TNR: variants seen among roughly 807,000 people sequenced by gnomAD.
TNR encodes the protein tenascin R, also known as tenascin-R.
In TNR, 45 loss-of-function variants were observed where a neutral mutation model predicts 150.4. That is an observed-to-expected ratio of 0.30 (90% confidence interval 0.24 to 0.38). TNR has a LOEUF of 0.38. TNR is among the 10% of genes least tolerant of loss of function. TNR has a pLI of 1.00. For synonymous variants in TNR, 687 were observed against 678.4 expected (o/e 1.01, Z -0.20); for missense variants, 1,544 against 1,759.1 (o/e 0.88, Z 2.19).
In TNR at chr1:175,646,634, A is replaced by T. The variant is rs976378552; in HGVS notation, c.-165+96592T>A. 2.0e-5 allele frequency among the ~76,000 whole-genome samples: 3 copies of T among 152,306 alleles called. No homozygotes were observed. The South Asian group carries it at 6.2e-4, about 32-fold the overall frequency. On this transcript the variant is annotated intron_variant, in intron 1 of 22. Coordinates refer to ENST00000367674, the MANE Select transcript of TNR (RefSeq NM_003285.3). ...CATAGGCTGACCACCTACAGGCCAAATTGGGCCTGCAGCTGTGTTTGCCTG... is the reference window on the plus strand; with the variant it reads ...CATAGGCTGACCACCTACAGGCCAATTTGGGCCTGCAGCTGTGTTTGCCTG...
At chr1:175,402,046 G>A (rs557090098) in intron 4 of TNR, among the ~76,000 whole-genome samples, 4 of 152,124 alleles carry the variant, frequency 2.6e-5, no homozygotes, top group South Asian at 2.1e-4. Context: ...GGTGGCTCAC[G>A]CCTGTAATCC....
chr1:175,531,199 A>G (rs1321860888), intron 1 of TNR, among the ~76,000 whole-genome samples: 1 of 152,104 alleles, frequency 6.6e-6, no homozygotes, highest in Non-Finnish European at 1.5e-5. Context: ...GTGTGTGCCA[A>G]TCTTCCTGAA....
chr1:175,582,340 A>G (rs1662382654), intron 1 of TNR, among the ~76,000 whole-genome samples: 2 of 152,212 alleles, frequency 1.3e-5, no homozygotes, highest in Non-Finnish European at 2.9e-5. Context: ...TTTTAATATC[A>G]AAACTTAGCT....
At chr1:175,362,468 G>T (rs997701279) in intron 14 of TNR, among the ~76,000 whole-genome samples, 195 bp downstream of exon 14, 1 of 152,158 alleles carries the variant, frequency 6.6e-6, no homozygotes, top group Non-Finnish European at 1.5e-5. Flanking sequence ...CTTCTAGAGG[G>T]TGACTCTCTA....
chr1:175,676,204 A>G (rs1665860500), intron 1 of TNR, among the ~76,000 whole-genome samples: 1 of 152,142 alleles, frequency 6.6e-6, no homozygotes, highest in African/African-American at 2.4e-5. Flanking sequence ...ATCTCACCAG[A>G]GCTCAGCTAC....
At position 175,365,125 on chromosome 1, in the gene TNR, G is replaced by C. The variant is rs1183204510; in HGVS notation, c.2472C>G (p.Ala824=). 6.2e-7 allele frequency: 1 copy of C among 1,613,950 alleles called. No homozygotes were observed. Among genetic ancestry groups the C allele is most frequent in the African/African-American group, 1.3e-5 (1 of 74,880 alleles). The change falls in exon 12 of 23, where the codon GCC becomes GCG. Residue 824 remains alanine, a synonymous_variant. Coordinates refer to ENST00000367674, the MANE Select transcript of TNR (RefSeq NM_003285.3). ...EEEMMEVSLD[A]TKRHAVLMGL... is the part of the protein sequence containing the mutation. ...CCATCAGGACAGCATGCCTCTTGGT[G>C]GCATCCAGGGAGACCTCCATCATCT... is the stretch of plus-strand genomic sequence containing the variant.
intron 1 of TNR, among the ~76,000 whole-genome samples, chr1:175,674,119 G>A (rs1041308719): frequency 2.6e-5 from 4 of 152,170 alleles, no homozygotes; most frequent in African/African-American, 9.7e-5. Context: ...TCTAAAACCA[G>A]GTGCCCATTA....
At chr1:175,735,358 C>T (rs1175606114) in intron 1 of TNR, among the ~76,000 whole-genome samples, 2 of 152,166 alleles carry the variant, frequency 1.3e-5, no homozygotes, top group Non-Finnish European at 2.9e-5. Flanking sequence ...ACACCTGTCC[C>T]TGGGCCCAGC....
chr1:175,723,429 G>A (rs1035473887), intron 1 of TNR, among the ~76,000 whole-genome samples: 2 of 152,116 alleles, frequency 1.3e-5, no homozygotes, highest in Non-Finnish European at 2.9e-5. Context: ...TACACTCCAG[G>A]GACTGGGCAG....
At chr1:175,490,911 C>A (rs1227327064) in intron 2 of TNR, among the ~76,000 whole-genome samples, 1 of 152,156 alleles carries the variant, frequency 6.6e-6, no homozygotes, top group African/African-American at 2.4e-5. Flanking sequence ...TACAAAGATA[C>A]ATGTATGTGT....
chr1:175,675,237 C>T (rs181323008), intron 1 of TNR, among the ~76,000 whole-genome samples: 2 of 152,284 alleles, frequency 1.3e-5, no homozygotes, highest in South Asian at 2.1e-4. Flanking sequence ...CCTGAATGAA[C>T]GGGCTTTGTG....
intron 1 of TNR, among the ~76,000 whole-genome samples, chr1:175,681,272 C>T (rs1376684698): frequency 3.3e-5 from 5 of 152,110 alleles, no homozygotes; most frequent in South Asian, 2.1e-4. Flanking sequence ...TGAGGAAGCC[C>T]GAGCCCAGAA....
intron 12 of TNR, among the ~76,000 whole-genome samples, 172 bp downstream of exon 12, chr1:175,364,838 A>G (rs1031341269): frequency 6.6e-6 from 1 of 152,196 alleles, no homozygotes; most frequent in African/African-American, 2.4e-5. Context: ...TATCTAATGC[A>G]TCTTCTGCAG....
intron 1 of TNR, among the ~76,000 whole-genome samples, chr1:175,723,958 T>A (rs1667410842): frequency 6.6e-6 from 1 of 152,240 alleles, no homozygotes; most frequent in Middle Eastern, 3.4e-3. Flanking sequence ...TTATACAGAA[T>A]ATAATATTTT....
At chr1:175,494,709 C>T (rs922017218) in intron 2 of TNR, among the ~76,000 whole-genome samples, 1 of 152,206 alleles carries the variant, frequency 6.6e-6, no homozygotes, top group Non-Finnish European at 1.5e-5. Context: ...GATCTATTTG[C>T]TCTCTGTTGT....
At chr1:175,479,394 C>A (rs1012749735) in intron 2 of TNR, among the ~76,000 whole-genome samples, 6 of 152,192 alleles carry the variant, frequency 3.9e-5, no homozygotes, top group African/African-American at 1.4e-4. Flanking sequence ...CAGGGAGAGC[C>A]TGACTTGCTT....
chr1:175,365,183 A>G lies in TNR; in HGVS notation c.2414T>C (p.Ile805Thr). Residue 805 changes from isoleucine to threonine, a missense_variant, in exon 12 of 23, where the codon ATT (isoleucine) becomes ACT (threonine). Around this residue, in one of 2 missense-constraint regions of TNR, gnomAD observed 1,254 missense variants for 1,329.4 expected, o/e 0.94. Coordinates refer to ENST00000367674, the MANE Select transcript of TNR (RefSeq NM_003285.3). ...SDPSPPADRL[I>T]LNYSPRDEEE... ...CTCATCCCTGGGGCTGTAGTTAAGA[A>G]TGAGTCTGTCTGCTGGGGGAGATGG... 6.2e-7 allele frequency: 1 copy of G among 1,614,128 alleles called. No homozygotes were observed. Among genetic ancestry groups the G allele is most frequent in the Non-Finnish European group, 8.5e-7 (1 of 1,180,008 alleles).
intron 20 of TNR, among the ~76,000 whole-genome samples, chr1:175,334,097 T>C (rs896195489): frequency 2.6e-5 from 4 of 152,080 alleles, no homozygotes; most frequent in Non-Finnish European, 5.9e-5. Flanking sequence ...CATTGAAAAG[T>C]TTTACAAAGG....
intron 1 of TNR, among the ~76,000 whole-genome samples, chr1:175,710,456 C>T (rs555989221): frequency 1.3e-5 from 2 of 152,210 alleles, no homozygotes; most frequent in East Asian, 1.9e-4. Context: ...CAGTGACCTG[C>T]ACTGGAGTGA....
Sources: allele counts gnomAD v4.1 joint callset (sites outside exome capture counted in the v4.1 genomes callset), GRCh38; gene constraint gnomAD v4.1.1; regional missense constraint gnomAD v4.1.1; transcripts MANE v1.5; gene names NCBI Gene and HGNC (gene_info 2026-07-23, HGNC 2026-07-21).